Variants in SLC22A23 observed in about 807,000 individuals in gnomAD.
SLC22A23 encodes the protein solute carrier family 22 member 23.
SLC22A23 carries 26 observed loss-of-function variants against 61.0 expected under a neutral mutation model. That is an observed-to-expected ratio of 0.43 (90% CI 0.31 to 0.59). The LOEUF is 0.59. Ranked by LOEUF, SLC22A23 falls within the 20% of genes least tolerant of loss-of-function variation. The pLI is 0.11. For missense variants in SLC22A23, 796 were observed against 934.7 expected, an observed-to-expected ratio of 0.85 and a Z score of 1.94; for synonymous variants, 430 against 413.9, an observed-to-expected ratio of 1.04 and a Z score of -0.47.
At position 3,360,896 on chromosome 6, in the gene SLC22A23, A is replaced by G. The variant is rs1765393891; in HGVS notation, c.914-36894T>C. Reference sequence around the variant, plus strand: ...GGGCAAAGATGCTGGGGTGGGGAACAGGTGCAGCAGGAACAGAAGGTCAGA... The same window carrying G: ...GGGCAAAGATGCTGGGGTGGGGAACGGGTGCAGCAGGAACAGAAGGTCAGA... On this transcript the variant is annotated intron_variant, in intron 3 of 9. Coordinates refer to ENST00000406686, the MANE Select transcript of SLC22A23 (RefSeq NM_015482.2). This position sits in a 1 kb window ranked among gnomAD's most constrained non-coding sequence, Gnocchi z 4.6. Among the ~76,000 whole-genome samples, 1 of 152,246 alleles carries G rather than the reference A, an allele frequency of 6.6e-6. No homozygotes were observed. Among genetic ancestry groups the G allele is most frequent in the Admixed American group, 6.5e-5 (1 of 15,288 alleles).
chr6:3,432,139 C>G, intron 1 of SLC22A23: 3 of 915,100 alleles, frequency 3.3e-6, no homozygotes, highest in Non-Finnish European at 3.9e-6. Context: ...CAAGGTTCCT[C>G]AGTGTAGAGG....
At chr6:3,402,278 C>G (rs193273819) in intron 3 of SLC22A23, among the ~76,000 whole-genome samples, 40 of 152,332 alleles carry the variant, frequency 2.6e-4, no homozygotes, top group African/African-American at 8.9e-4. Context: ...AGACATTTCT[C>G]CAAAACATGC....
chr6:3,449,498 T>C (rs1772067034), intron 1 of SLC22A23, among the ~76,000 whole-genome samples: 1 of 152,032 alleles, frequency 6.6e-6, no homozygotes. Context: ...TACACACACA[T>C]AAAGGCAAAG....
At chr6:3,291,914 T>C (rs549570685) in intron 5 of SLC22A23, 15 of 152,344 alleles carry the variant, frequency 9.8e-5, no homozygotes, top group African/African-American at 3.1e-4. Flanking sequence ...CTAAGTATGA[T>C]GTTAAAGAAG....
chr6:3,345,039 C>T (rs1169650496), intron 3 of SLC22A23, among the ~76,000 whole-genome samples: 1 of 152,232 alleles, frequency 6.6e-6, no homozygotes, highest in Non-Finnish European at 1.5e-5. Flanking sequence ...AGACAAAAGA[C>T]CCACGGCTAA....
rs1411915473 is a variant in SLC22A23 at position 3,328,221 on chromosome 6, T to C, written c.914-4219A>G. ...AGGGTTGTGAGAATGAAACAGTACG[T>C]AGCTGAGACTGAACTGAGGCATTTG... On this transcript the variant is annotated intron_variant, in intron 3 of 9. Transcript: ENST00000406686. The surrounding 1 kb of genome is among the most constrained non-coding windows in gnomAD (Gnocchi z 5.0). Among the ~76,000 whole-genome samples, 1 of 151,534 alleles carries C rather than the reference T, an allele frequency of 6.6e-6. No individual in the cohort carries two copies. The highest frequency in any genetic ancestry group is 2.4e-5 in the African/African-American group (1 of 41,168).
Position 3,456,287 on chromosome 6 carries a change from C to T in SLC22A23, c.273G>A (p.Leu91=), listed in dbSNP as rs1772402746. The T allele has an allele frequency of 6.4e-7, 1 of 1,551,144 alleles. No individual in the cohort carries two copies. The highest frequency in any genetic ancestry group is 8.7e-7 in the Non-Finnish European group (1 of 1,146,840). ...CGAGGGTCTTCTGATAGCCCCCGCC[C>T]AGGCCCCCGAGGAAGGGCAGCACCG... The part of the protein sequence containing the change: ...DGSVLPFLGG[L]GGGYQKTLVL... The change falls in exon 1 of 10, where the codon CTG becomes CTA. Residue 91 remains leucine, a synonymous_variant. Transcript: ENST00000406686. This position sits in a 1 kb window ranked among gnomAD's most constrained non-coding sequence, Gnocchi z 7.1.
At chr6:3,363,661 AC>A (rs1765624154) in intron 3 of SLC22A23, among the ~76,000 whole-genome samples, 1 of 152,204 alleles carries the variant, frequency 6.6e-6, no homozygotes, top group South Asian at 2.1e-4. Flanking sequence ...GGACAATGCC[AC>A]CCCAAAAAGG....
chr6:3,356,387 ACCCCCATCT>A (rs1444643784), intron 3 of SLC22A23, among the ~76,000 whole-genome samples: 1 of 151,694 alleles, frequency 6.6e-6, no homozygotes, highest in Non-Finnish European at 1.5e-5. Context: ...AACAGGCCAC[ACCCCCATCT>A]CAGAGATGGC....
At chr6:3,446,568 C>T (rs1771906593) in intron 1 of SLC22A23, among the ~76,000 whole-genome samples, 1 of 152,186 alleles carries the variant, frequency 6.6e-6, no homozygotes, top group Admixed American at 6.5e-5. Context: ...AGTTTTCTAT[C>T]GACAGCCCTG....
intron 2 of SLC22A23, among the ~76,000 whole-genome samples, chr6:3,412,367 G>T (rs774647875): frequency 6.6e-6 from 1 of 152,168 alleles, no homozygotes; most frequent in South Asian, 2.1e-4. Flanking sequence ...GTAAGACCAG[G>T]CTTGTTCAAA....
At chr6:3,421,253 T>G (rs1770113536) in intron 1 of SLC22A23, among the ~76,000 whole-genome samples, 1 of 152,212 alleles carries the variant, frequency 6.6e-6, no homozygotes, top group Non-Finnish European at 1.5e-5. Context: ...GAAGACAATT[T>G]GGCAATATGC....
intron 1 of SLC22A23, among the ~76,000 whole-genome samples, chr6:3,430,324 C>T (rs1480688603): frequency 3.9e-5 from 6 of 152,158 alleles, no homozygotes; most frequent in East Asian, 3.9e-4. Context: ...GGACATTGCC[C>T]GCCAAAAGGA....
intron 1 of SLC22A23, among the ~76,000 whole-genome samples, chr6:3,425,002 C>T (rs1034136272): frequency 2.0e-5 from 3 of 152,108 alleles, no homozygotes; most frequent in Non-Finnish European, 4.4e-5. Flanking sequence ...TAGGAATGAC[C>T]CTCCCAGAAG....
chr6:3,356,781 T>G (rs1394837947), intron 3 of SLC22A23, among the ~76,000 whole-genome samples: 1 of 152,110 alleles, frequency 6.6e-6, no homozygotes, highest in Non-Finnish European at 1.5e-5. Context: ...GCTCAAGCCC[T>G]TCAGAGCATC....
At chr6:3,432,080 G>T in intron 1 of SLC22A23, 1 of 334,174 alleles carries the variant, frequency 3.0e-6, no homozygotes, top group Non-Finnish European at 4.3e-6. Context: ...TTATGCTATA[G>T]GTGTCATCTC....
rs73358788 is a variant in SLC22A23, at chr6:3,373,771, G to A, written c.913+36417C>T. 6.3e-3 allele frequency among the ~76,000 whole-genome samples: 960 copies of A among 152,274 alleles called. 14 individuals carry two copies. The highest frequency in any genetic ancestry group is 0.022 in the African/African-American group (927 of 41,564). ...CCAGGCACCAATTACACACTCAGGG[G>A]ACAGTGACACTGTGATCGCTGCCCT... On this transcript the variant is annotated intron_variant, in intron 3 of 9. Transcript: ENST00000406686.
At chr6:3,279,212 C>T (rs376414732) in intron 9 of SLC22A23, among the ~76,000 whole-genome samples, 1 of 151,602 alleles carries the variant, frequency 6.6e-6, no homozygotes, top group African/African-American at 2.4e-5. Flanking sequence ...GGTTTTCTAT[C>T]AAAGATTCCT....
intron 3 of SLC22A23, among the ~76,000 whole-genome samples, chr6:3,339,059 A>AAG (rs1242280762): frequency 6.6e-6 from 1 of 152,190 alleles, no homozygotes; most frequent in African/African-American, 2.4e-5. Context: ...CTGCAGAGGG[A>AAG]AGAGCAGGGT....
Sources: allele counts gnomAD v4.1 joint callset (sites outside exome capture counted in the v4.1 genomes callset), GRCh38; gene constraint gnomAD v4.1.1; non-coding constraint Gnocchi (gnomAD v3.1); transcripts MANE v1.5; gene names NCBI Gene and HGNC (gene_info 2026-07-23, HGNC 2026-07-21).